Variants in RNF213 observed in about 807,000 individuals in gnomAD.
RNF213 encodes the protein E3 ubiquitin-protein ligase RNF213.
RNF213 carries 341 observed loss-of-function variants against 514.4 expected under a neutral mutation model. The observed-to-expected ratio is 0.66, with a 90% confidence interval of 0.61 to 0.73. RNF213 has a LOEUF of 0.73. RNF213 is among the 30% of genes least tolerant of loss of function. RNF213 has a pLI of 0.00. For synonymous variants in RNF213, 2,655 were observed against 2,658.2 expected (o/e 1.00, Z 0.04); for missense variants, 5,767 against 6,615.6 (o/e 0.87, Z 4.45).
At chr17:80,326,168 G>A (rs139435796) in intron 18 of RNF213, among the ~76,000 whole-genome samples, 3 of 152,034 alleles carry the variant, frequency 2.0e-5, no homozygotes, top group African/African-American at 7.2e-5. Context: ...GCGCAAGTTA[G>A]CATGTAGTAG....
At chr17:80,325,682 G>GC (rs1425214421) in intron 18 of RNF213, among the ~76,000 whole-genome samples, 2 of 151,380 alleles carry the variant, frequency 1.3e-5, no homozygotes, top group African/African-American at 4.9e-5. Flanking sequence ...TTTCCCCCCA[G>GC]CCCCCCGCGC....
intron 67 of RNF213, among the ~76,000 whole-genome samples, chr17:80,391,416 G>A (rs1319823367): frequency 1.3e-5 from 2 of 151,756 alleles, no homozygotes; most frequent in Non-Finnish European, 1.5e-5. Context: ...GATTACAGGT[G>A]CCAACCATCA....
Position 80,337,836 on chromosome 17 carries a change from T to C in RNF213, c.4672T>C (p.Ser1558Pro), listed in dbSNP as rs2144040282. 6.5e-7 allele frequency: 1 copy of C among 1,536,920 alleles called. No individual in the cohort carries two copies. Among genetic ancestry groups the C allele is most frequent in the Non-Finnish European group, 8.7e-7 (1 of 1,146,638 alleles). Residue 1558 changes from serine (S) to proline (P), a missense_variant, in exon 25 of 68, where the codon TCC (serine) becomes CCC (proline). By Grantham distance (74) the Ser-to-Pro change is moderately conservative. Transcript: ENST00000582970. ...TTCTAACCTATGCTCTTCACAGATTTCCCCAGACACGGTTCTGCACTTGAT... is the reference window on the plus strand; with the variant it reads ...TTCTAACCTATGCTCTTCACAGATTCCCCCAGACACGGTTCTGCACTTGAT... ...IQAPKGGQKI[S>P]PDTVLHLILP...
intron 30 of RNF213, 69 bp downstream of exon 30, chr17:80,349,975 A>C: frequency 6.4e-7 from 1 of 1,570,724 alleles, no homozygotes; most frequent in Non-Finnish European, 8.7e-7. Context: ...CTGCGTGGCG[A>C]TGGTACCCGC....
intron 36 of RNF213, among the ~76,000 whole-genome samples, 177 bp from the exon 37 acceptor site, chr17:80,358,111 C>A (rs1401291588): frequency 3.3e-5 from 5 of 152,192 alleles, no homozygotes; most frequent in Non-Finnish European, 7.3e-5. Flanking sequence ...CTTTGTGAGT[C>A]TGTTTTCTAG....
chr17:80,372,918 C>A, intron 48 of RNF213, 57 bp from the exon 49 acceptor site: 1 of 1,562,762 alleles, frequency 6.4e-7, no homozygotes, highest in Non-Finnish European at 8.7e-7. Context: ...GCCTTGTGTC[C>A]TACAATAAAT....
intron 17 of RNF213, chr17:80,320,767 G>C (rs1340276842): frequency 6.6e-6 from 1 of 152,152 alleles, no homozygotes; most frequent in African/African-American, 2.4e-5. Flanking sequence ...GGGAGCCCAG[G>C]AGTTCAAGAC....
intron 39 of RNF213, 95 bp from the exon 40 acceptor site, chr17:80,363,007 C>G (rs959846411): frequency 1.6e-6 from 2 of 1,212,126 alleles, no homozygotes; most frequent in Non-Finnish European, 2.4e-6. Flanking sequence ...CTAATTTCCT[C>G]TTTTATGGTT....
chr17:80,298,417 G>T lies in RNF213; in HGVS notation c.2109G>T (p.Glu703Asp). Residue 703 changes from glutamate (E) to aspartate (D), a missense_variant, in exon 11 of 68, where the codon GAG (glutamate) becomes GAT (aspartate). Physicochemically the swap from Glu to Asp is conservative, Grantham distance 45 (BLOSUM62 2). Coordinates refer to ENST00000582970, the MANE Select transcript of RNF213 (RefSeq NM_001256071.3). ...TGCCTGTCCTGCACTGCTGTATGGA[G>T]CTGGCCCCGCGGCACAAGGATGCCT... ...GALPVLHCCM[E>D]LAPRHKDAWR... The T allele has an allele frequency of 1.2e-6, 2 of 1,614,200 alleles. No homozygotes were observed. The highest frequency in any genetic ancestry group is 2.2e-5 in the South Asian group (2 of 91,082).
chr17:80,307,144 A>G lies in RNF213; in HGVS notation c.2444A>G (p.Gln815Arg), dbSNP rs1381053576. The stretch of plus-strand genomic sequence containing the variant: ...CTGCCTTAGGATGTTCAGGATGTTC[A>G]GAACGTTCAGAACATTTTAGAAATG... Reference protein sequence around the residue: ...VLNTQDVQDVQNVQNILEMLL... With the variant: ...VLNTQDVQDVRNVQNILEMLL... Residue 815 changes from glutamine to arginine, a missense_variant, in exon 13 of 68, where the codon CAG becomes CGG. Physicochemically the swap from Gln to Arg is conservative, Grantham distance 43 (BLOSUM62 1). This residue lies in a region of RNF213 where 592 missense variants were observed against 673.9 expected (regional missense o/e 0.88). Transcript: ENST00000582970. 1 of 1,613,598 alleles carries G rather than the reference A, an allele frequency of 6.2e-7. No homozygotes were observed.
chr17:80,299,084 G>A (rs1228036812), intron 11 of RNF213, among the ~76,000 whole-genome samples: 1 of 152,178 alleles, frequency 6.6e-6, no homozygotes, highest in East Asian at 1.9e-4. Flanking sequence ...GTCCAAATAT[G>A]GATTCGTGGG....
At chr17:80,328,260 A>G in intron 19 of RNF213, 68 bp from the exon 20 acceptor site, 1 of 1,482,036 alleles carries the variant, frequency 6.7e-7, no homozygotes, top group Non-Finnish European at 9.0e-7. Context: ...GGCGCTTTCA[A>G]AGCATTGCCA....
In RNF213 at chr17:80,347,347, C is replaced by T. The variant is rs371459747; in HGVS notation, c.9012C>T (p.Pro3004=). 5.8e-5 allele frequency: 94 copies of T among 1,613,900 alleles called. 1 individual carries two copies. The highest frequency in any genetic ancestry group is 6.7e-5 in the Admixed American group (4 of 60,008). ...QALDIFLANL[P]EAKCSEEVSP... ...TGGACATCTTTCTGGCCAATTTGCC[C>T]GAGGCCAAGTGCTCAGAGGAAGTCA... Residue 3004 remains proline, a synonymous_variant, in exon 29 of 68, where the codon CCC becomes CCT. Coordinates refer to ENST00000582970, the MANE Select transcript of RNF213 (RefSeq NM_001256071.3). This position sits in a 1 kb window ranked among gnomAD's most constrained non-coding sequence, Gnocchi z 7.2.
At position 80,383,036 on chromosome 17, in the gene RNF213, A is replaced by G. The variant is rs1397295775; in HGVS notation, c.14036A>G (p.Lys4679Arg). Residue 4679 changes from lysine (K) to arginine (R), a missense_variant, in exon 58 of 68, where the codon AAG becomes AGG. Transcript: ENST00000582970. ...STKEMRNNWE[K>R]EIAAVISPEL... ...AAAGAAATGAGGAACAACTGGGAAAAGGAAATCGCAGCTGTGATTTCTCCT... is the reference window on the plus strand; with the variant it reads ...AAAGAAATGAGGAACAACTGGGAAAGGGAAATCGCAGCTGTGATTTCTCCT... The G allele has an allele frequency of 6.2e-7, 1 of 1,613,916 alleles. No individual in the cohort carries two copies.
chr17:80,364,978 G>A (rs1217756756), intron 42 of RNF213: 2 of 281,664 alleles, frequency 7.1e-6, no homozygotes, highest in Non-Finnish European at 7.0e-6. Flanking sequence ...CTTCAAAACA[G>A]TGCTGTCAAC....
At chr17:80,298,167 C>A (rs1255530802) in intron 10 of RNF213, among the ~76,000 whole-genome samples, 154 bp from the exon 11 acceptor site, 1 of 152,104 alleles carries the variant, frequency 6.6e-6, no homozygotes, top group East Asian at 1.9e-4. Context: ...TGAGGGAAGC[C>A]CTGTCTCCTG....
At chr17:80,355,126 ACT>A (rs749134879) in intron 36 of RNF213, 2 of 453,508 alleles carry the variant, frequency 4.4e-6, no homozygotes. Flanking sequence ...TTTAAGACAG[ACT>A]CTCAGACCTC....
intron 29 of RNF213, among the ~76,000 whole-genome samples, chr17:80,349,156 A>G (rs1458498198): frequency 1.3e-5 from 2 of 152,188 alleles, no homozygotes; most frequent in African/African-American, 4.8e-5. Flanking sequence ...AGATGAGTGG[A>G]CATTGCTTCA....
rs906173120 is a variant in RNF213 at position 80,325,882 on chromosome 17, A to G, written c.3193+684A>G. Among the ~76,000 whole-genome samples, 6 of 152,264 alleles carry G rather than the reference A, an allele frequency of 3.9e-5. No individual in the cohort carries two copies. The East Asian group carries it at 7.7e-4, about 20-fold the overall frequency. On this transcript the variant is annotated intron_variant, in intron 18 of 67. Coordinates refer to ENST00000582970, the MANE Select transcript of RNF213 (RefSeq NM_001256071.3). ...GTGGGGATCAAATAACTGAATTAATATGGGAGTGCACAAGTAAAAGCTACT... is the reference window on the plus strand; with the variant it reads ...GTGGGGATCAAATAACTGAATTAATGTGGGAGTGCACAAGTAAAAGCTACT...
Sources: gnomAD v4.1 joint callset for allele counts (sites outside exome capture counted in the v4.1 genomes callset) on GRCh38, gnomAD v4.1.1 for gene constraint, gnomAD v4.1.1 regional missense constraint, Gnocchi (gnomAD v3.1) non-coding constraint, MANE v1.5 for transcripts, NCBI Gene and HGNC (gene_info 2026-07-23, HGNC 2026-07-21) for gene names.